UHRF2: variants seen among roughly 807,000 people sequenced by gnomAD.
UHRF2 encodes E3 ubiquitin-protein ligase UHRF2.
In UHRF2, 23 loss-of-function variants were observed where a neutral mutation model predicts 96.8. The ratio of observed to expected loss-of-function variants is 0.24; its 90% CI spans 0.17 to 0.34. The LOEUF (loss-of-function observed/expected upper bound fraction) is 0.34. Ranked by LOEUF, UHRF2 falls within the 10% of genes least tolerant of loss-of-function variation. The probability of loss-of-function intolerance (pLI) is 1.00; values close to 1 mark genes in which losing one functional copy is unlikely to be tolerated. For missense variants in UHRF2, 685 were observed against 981.5 expected, an observed-to-expected ratio of 0.70 and a Z score of 4.04; for synonymous variants, 385 against 332.6, an observed-to-expected ratio of 1.16 and a Z score of -1.72.
intron 9 of UHRF2, among the ~76,000 whole-genome samples, chr9:6,488,545 T>C (rs867411377): frequency 1.9e-4 from 25 of 128,882 alleles, no homozygotes; most frequent in African/African-American, 3.0e-4. Context: ...CTTTTCTTTT[T>C]TTTTTTTTTT....
chr9:6,425,401 A>G (rs1406043123), intron 2 of UHRF2, among the ~76,000 whole-genome samples: 1 of 152,046 alleles, frequency 6.6e-6, no homozygotes, highest in African/African-American at 2.4e-5. Flanking sequence ...CATCTTGTAT[A>G]TTTCCTGCTT....
chr9:6,500,041 TG>T (rs1361867613), intron 13 of UHRF2, 110 bp downstream of exon 13: 3 of 835,470 alleles, frequency 3.6e-6, no homozygotes, highest in Non-Finnish European at 5.7e-6. Context: ...GGAAAGATCT[TG>T]GCTCACTGTA....
At chr9:6,493,246 CGA>C (rs1421204333) in intron 9 of UHRF2, among the ~76,000 whole-genome samples, 1 of 151,862 alleles carries the variant, frequency 6.6e-6, no homozygotes, top group Non-Finnish European at 1.5e-5. Flanking sequence ...TACAGCGAGC[CGA>C]GATCGTGCCA....
intron 1 of UHRF2, among the ~76,000 whole-genome samples, chr9:6,416,133 G>T (rs1348951156): frequency 6.6e-6 from 1 of 151,780 alleles, no homozygotes; most frequent in Non-Finnish European, 1.5e-5. Flanking sequence ...GCGCGATCTC[G>T]GCTTACTACA....
At chr9:6,451,947 G>A (rs117107261) in intron 3 of UHRF2, among the ~76,000 whole-genome samples, 5 of 151,916 alleles carry the variant, frequency 3.3e-5, no homozygotes, top group Admixed American at 2.0e-4. Context: ...TTTGGTTTAC[G>A]CTTCTGTTTT....
intron 1 of UHRF2, 54 bp downstream of exon 1, chr9:6,413,697 T>C: frequency 1.4e-6 from 2 of 1,453,120 alleles, no homozygotes; most frequent in South Asian, 1.4e-5. Context: ...ACAGCTGGGC[T>C]CCTCTGGACG....
At chr9:6,414,427 A>G (rs376336139) in intron 1 of UHRF2, among the ~76,000 whole-genome samples, 1 of 152,234 alleles carries the variant, frequency 6.6e-6, no homozygotes, top group Non-Finnish European at 1.5e-5. Context: ...CGCTTTAAGC[A>G]TAGCACTGCA....
intron 13 of UHRF2, 27 bp downstream of exon 13, chr9:6,499,958 A>G: frequency 6.7e-7 from 1 of 1,500,644 alleles, no homozygotes; most frequent in Non-Finnish European, 9.2e-7. Flanking sequence ...AAATATAAAT[A>G]ATAATAACAT....
rs191368613 is a variant in UHRF2, at chr9:6,479,410, T to G, written c.1160+1602T>G. ...TACCTACTTCACTGGCCTTTCCTTC[T>G]TAGTCTCTTGTTGGGTTCCCGTCAC... is the stretch of plus-strand genomic sequence containing the variant. On this transcript the variant is annotated intron_variant, in intron 6 of 15. Coordinates refer to ENST00000276893, the MANE Select transcript of UHRF2 (RefSeq NM_152896.3). Among the ~76,000 whole-genome samples the G allele has an allele frequency of 4.3e-3, 655 of 152,282 alleles. 2 individuals are homozygous for G. The highest frequency in any genetic ancestry group is 0.014 in the African/African-American group (580 of 41,562).
chr9:6,421,110 C>A lies in UHRF2; in HGVS notation c.352C>A (p.Arg118Ser). ...SNQPSTSARA[R>S]LIDPGFGIYK... is the part of the protein sequence containing the mutation. ...TCAGCCATCTACATCAGCTCGTGCC[C>A]GTCTTATTGATCCTGGCTTTGGAAT... Residue 118 changes from arginine (R) to serine (S), a missense_variant, in exon 2 of 16, where the codon CGT becomes AGT. Coordinates refer to ENST00000276893, the MANE Select transcript of UHRF2 (RefSeq NM_152896.3). The A allele has an allele frequency of 6.2e-7, 1 of 1,613,916 alleles. No homozygotes were observed. Among genetic ancestry groups the A allele is most frequent in the Non-Finnish European group, 8.5e-7 (1 of 1,179,926 alleles).
chr9:6,499,735 G>C (rs188800759), intron 12 of UHRF2, 100 bp from the exon 13 acceptor site: 4 of 643,556 alleles, frequency 6.2e-6, no homozygotes, highest in African/African-American at 1.9e-5. Context: ...TGGGGAACGT[G>C]TAGTCTTCCC....
chr9:6,429,766 G>A (rs1308750371), intron 2 of UHRF2, among the ~76,000 whole-genome samples: 2 of 152,208 alleles, frequency 1.3e-5, no homozygotes, highest in Admixed American at 1.3e-4. Flanking sequence ...CAAATACACT[G>A]CAAGATGCTG....
At chr9:6,486,765 T>A in intron 8 of UHRF2, 56 bp from the exon 9 acceptor site, 1 of 1,546,684 alleles carries the variant, frequency 6.5e-7, no homozygotes, top group Non-Finnish European at 8.9e-7. Flanking sequence ...AAGCATTTTG[T>A]AAATGTATCT....
Position 6,460,635 on chromosome 9 carries a change from T to G in UHRF2, c.707T>G (p.Ile236Ser), listed in dbSNP as rs753759384. ...VKDLRPRART[I>S]LKWNELNVGD... ...GATCTTAGACCACGAGCTAGAACCATTTTGAAATGGAATGAACTAAATGTT... is the reference window on the plus strand; with the variant it reads ...GATCTTAGACCACGAGCTAGAACCAGTTTGAAATGGAATGAACTAAATGTT... The change falls in exon 4 of 16, where the codon ATT becomes AGT. Residue 236 changes from isoleucine (I) to serine (S), a missense_variant. Ile to Ser is a moderately radical substitution (Grantham distance 142). Coordinates refer to ENST00000276893, the MANE Select transcript of UHRF2 (RefSeq NM_152896.3). The G allele has an allele frequency of 6.2e-7, 1 of 1,613,200 alleles. No homozygotes were observed. The highest frequency in any genetic ancestry group is 8.5e-7 in the Non-Finnish European group (1 of 1,179,798).
At chr9:6,425,055 T>C (rs1253320180) in intron 2 of UHRF2, among the ~76,000 whole-genome samples, 1 of 152,218 alleles carries the variant, frequency 6.6e-6, no homozygotes. Flanking sequence ...TTCTCCACTA[T>C]TAAACTACTC....
At chr9:6,481,357 T>A (rs570134878) in intron 6 of UHRF2, among the ~76,000 whole-genome samples, 2 of 152,196 alleles carry the variant, frequency 1.3e-5, no homozygotes, top group Admixed American at 6.5e-5. Flanking sequence ...TCAGGGTTAG[T>A]GATAAGTTTA....
chr9:6,483,440 A>G (rs13290488), intron 8 of UHRF2, among the ~76,000 whole-genome samples: 5,273 of 152,164 alleles, frequency 0.035, 113 homozygotes, highest in Middle Eastern at 0.071. Context: ...ATACCTAATA[A>G]AGTGTAAATG....
At chr9:6,439,509 C>T (rs1199758397) in intron 3 of UHRF2, among the ~76,000 whole-genome samples, 11 of 152,206 alleles carry the variant, frequency 7.2e-5, no homozygotes, top group Non-Finnish European at 1.6e-4. Context: ...AAGCTGTCAA[C>T]TTTGTGGTTC....
At chr9:6,424,685 T>C (rs537923588) in intron 2 of UHRF2, among the ~76,000 whole-genome samples, 6 of 152,232 alleles carry the variant, frequency 3.9e-5, no homozygotes, top group African/African-American at 1.4e-4. Flanking sequence ...TTTTACCTCA[T>C]GTCCTCTTTT....
Sources: gnomAD v4.1 joint callset for allele counts (sites outside exome capture counted in the v4.1 genomes callset) on GRCh38, gnomAD v4.1.1 for gene constraint, MANE v1.5 for transcripts, NCBI Gene and HGNC (gene_info 2026-07-23, HGNC 2026-07-21) for gene names.